Variants in SHISA9 observed in about 807,000 individuals in gnomAD.
SHISA9 encodes the protein protein shisa-9.
SHISA9 carries 13 observed loss-of-function variants against 38.0 expected under a neutral mutation model. That is an observed-to-expected ratio of 0.34 (90% CI 0.22 to 0.54). SHISA9 has a LOEUF of 0.54. SHISA9 is among the 20% of genes least tolerant of loss of function. SHISA9 has a pLI of 0.91. For missense variants in SHISA9, 538 were observed against 575.8 expected, an observed-to-expected ratio of 0.93 and a Z score of 0.67; for synonymous variants, 275 against 242.0, an observed-to-expected ratio of 1.14 and a Z score of -1.27.
chr16:13,126,206 G>C (rs769244744), intron 2 of SHISA9, among the ~76,000 whole-genome samples: 2 of 152,160 alleles, frequency 1.3e-5, no homozygotes, highest in Non-Finnish European at 2.9e-5. Flanking sequence ...TGCAGAGGCT[G>C]CCTGAGAGGA....
At chr16:13,422,323 A>G in the SHISA9 span, among the ~76,000 whole-genome samples, 1 of 152,194 alleles carries the variant, frequency 6.6e-6, no homozygotes, top group Non-Finnish European at 1.5e-5. Context: ...GAATACCTTC[A>G]ACATTCAAAA....
the SHISA9 span, among the ~76,000 whole-genome samples, chr16:13,552,136 G>A: frequency 6.6e-6 from 1 of 152,174 alleles, no homozygotes; most frequent in Non-Finnish European, 1.5e-5. Context: ...AAGTGAAGTA[G>A]TCAGAAAATA....
the SHISA9 span, among the ~76,000 whole-genome samples, chr16:13,511,253 T>C: frequency 1.3e-5 from 2 of 152,220 alleles, no homozygotes; most frequent in African/African-American, 2.4e-5. Flanking sequence ...TTGCTAGATA[T>C]AGGGAATTCA....
chr16:13,367,030 G>C, the SHISA9 span, among the ~76,000 whole-genome samples: 2 of 151,070 alleles, frequency 1.3e-5, no homozygotes, highest in Admixed American at 1.3e-4. Flanking sequence ...TAAAAATCTG[G>C]GTTAATATAT....
chr16:12,959,384 C>T (rs909707430), intron 2 of SHISA9, among the ~76,000 whole-genome samples: 6 of 152,150 alleles, frequency 3.9e-5, no homozygotes, highest in Non-Finnish European at 8.8e-5. Context: ...TAGGTGCTTC[C>T]TCTGGGGTAT....
chr16:13,021,853 C>T (rs909804549), intron 2 of SHISA9, among the ~76,000 whole-genome samples: 2 of 152,166 alleles, frequency 1.3e-5, no homozygotes, highest in African/African-American at 4.8e-5. Flanking sequence ...GAGGGGGCAG[C>T]CTGGGAAGAG....
rs150816416 is a variant in SHISA9, at chr16:13,238,525, C to T, written c.*3116C>T. The T allele has an allele frequency of 6.6e-6, 1 of 152,260 alleles. No homozygotes were observed. Among genetic ancestry groups the T allele is most frequent in the East Asian group, 1.9e-4 (1 of 5,172 alleles). The allele number at this position is 152,260 out of a possible 1,614,324, so 9.4% of individuals were successfully genotyped here. A position where few individuals can be genotyped will look rare whatever the true frequency, so the allele number is the denominator to read the frequency against. ...GCCTCTAAATCTGTAGTATTGTATT[C>T]CTTCTGCATGCTCCTTCTCCTCTGA... On this transcript the variant is annotated 3_prime_UTR_variant, in exon 5 of 5. Transcript: ENST00000558583.
chr16:13,087,461 G>A (rs1567207879), intron 2 of SHISA9, among the ~76,000 whole-genome samples: 3 of 152,168 alleles, frequency 2.0e-5, no homozygotes, highest in Non-Finnish European at 4.4e-5. Context: ...AAGCATTCCT[G>A]TTTCTCCACA....
At chr16:13,296,701 G>A in the SHISA9 span, among the ~76,000 whole-genome samples, 1 of 151,848 alleles carries the variant, frequency 6.6e-6, no homozygotes, top group South Asian at 2.1e-4. Flanking sequence ...GACCAGCCTG[G>A]CCAACATGGT....
At chr16:13,451,621 AAG>A in the SHISA9 span, among the ~76,000 whole-genome samples, 1 of 152,172 alleles carries the variant, frequency 6.6e-6, no homozygotes, top group Non-Finnish European at 1.5e-5. Flanking sequence ...CATAAAGGGC[AAG>A]AGAGAGAGAA....
chr16:13,475,202 G>A, the SHISA9 span, among the ~76,000 whole-genome samples: 1 of 152,108 alleles, frequency 6.6e-6, no homozygotes, highest in Non-Finnish European at 1.5e-5. Context: ...TGGAGGTGGA[G>A]TTCTCAGAGC....
chr16:12,941,805 C>T (rs987318656), intron 2 of SHISA9, among the ~76,000 whole-genome samples: 1 of 152,044 alleles, frequency 6.6e-6, no homozygotes, highest in African/African-American at 2.4e-5. Context: ...GAGCTGAGAT[C>T]GTGCCACTGG....
At chr16:13,061,498 C>T (rs952931097) in intron 2 of SHISA9, among the ~76,000 whole-genome samples, 1 of 152,120 alleles carries the variant, frequency 6.6e-6, no homozygotes, top group Admixed American at 6.6e-5. Context: ...TATGCACTGT[C>T]CGGATTAAAG....
At chr16:12,911,182 A>G (rs2071178194) in intron 1 of SHISA9, 1 of 903,044 alleles carries the variant, frequency 1.1e-6, no homozygotes, top group Admixed American at 6.2e-5. Context: ...CTTGGGCACG[A>G]TCTCAGGCCC....
chr16:13,112,414 C>T (rs1039357398), intron 2 of SHISA9, among the ~76,000 whole-genome samples: 2 of 151,900 alleles, frequency 1.3e-5, no homozygotes, highest in African/African-American at 2.4e-5. Flanking sequence ...TTTTGATTTT[C>T]ATTTGCCAGC....
At chr16:13,562,274 C>T in the SHISA9 span, among the ~76,000 whole-genome samples, 2 of 152,136 alleles carry the variant, frequency 1.3e-5, no homozygotes, top group East Asian at 1.9e-4. Context: ...TGCACATCCA[C>T]GCTAATGATA....
chr16:13,358,395 C>G, the SHISA9 span, among the ~76,000 whole-genome samples: 3 of 152,130 alleles, frequency 2.0e-5, no homozygotes, highest in African/African-American at 7.2e-5. Flanking sequence ...CCCCCACCCC[C>G]CAACAGGCTG....
chr16:13,428,655 A>T, the SHISA9 span, among the ~76,000 whole-genome samples: 1 of 152,204 alleles, frequency 6.6e-6, no homozygotes, highest in African/African-American at 2.4e-5. Flanking sequence ...AGGGAAGAGA[A>T]GTTATTTTAT....
At chr16:13,321,425 C>A in the SHISA9 span, among the ~76,000 whole-genome samples, 1 of 152,174 alleles carries the variant, frequency 6.6e-6, no homozygotes, top group African/African-American at 2.4e-5. Context: ...CCCCTAAGAG[C>A]AAATAATTCT....
Sources: gnomAD v4.1 joint callset for allele counts (sites outside exome capture counted in the v4.1 genomes callset) on GRCh38, gnomAD v4.1.1 for gene constraint, MANE v1.5 for transcripts, NCBI Gene and HGNC (gene_info 2026-07-23, HGNC 2026-07-21) for gene names.